RMC1: variants seen among roughly 807,000 people sequenced by gnomAD.
The protein encoded by RMC1 is regulator of MON1-CCZ1.
Under a neutral mutation model 95.5 loss-of-function variants are expected in RMC1, and 44 were observed. The ratio of observed to expected loss-of-function variants is 0.46; its 90% CI spans 0.36 to 0.59. RMC1 has a LOEUF of 0.59. Among genes scored for constraint, RMC1 ranks in the 20% least tolerant of loss-of-function variants. The probability of loss-of-function intolerance (pLI) is 0.00; values close to 1 mark genes in which losing one functional copy is unlikely to be tolerated. For synonymous variants in RMC1, 320 were observed against 303.6 expected (o/e 1.05, Z -0.56); for missense variants, 705 against 819.6 (o/e 0.86, Z 1.71).
At position 23,526,782 on chromosome 18, in the gene RMC1, C is replaced by T; in HGVS notation, c.1189+17C>T. ...GTTCACAGAGTAAGTTGAATCCTTC[C>T]CCCTTGCTCTGATTCCAGTGTGAGG... is the stretch of plus-strand genomic sequence containing the variant. On this transcript the variant is annotated intron_variant, in intron 13 of 19. Coordinates refer to ENST00000269221, the MANE Select transcript of RMC1 (RefSeq NM_013326.5). 6.2e-7 allele frequency: 1 copy of T among 1,612,312 alleles called. No individual in the cohort carries two copies. Among genetic ancestry groups the T allele is most frequent in the Non-Finnish European group, 8.5e-7 (1 of 1,179,206 alleles).
intron 5 of RMC1, among the ~76,000 whole-genome samples, chr18:23,511,667 G>C (rs1196529927): frequency 8.6e-6 from 1 of 115,794 alleles, no homozygotes; most frequent in East Asian, 2.5e-4. Flanking sequence ...TTTTTTTTTT[G>C]TCCAAAGTGT....
chr18:23,531,485 G>A lies in RMC1; in HGVS notation c.1895-140G>A, dbSNP rs1470520701. On this transcript the variant is annotated intron_variant, in intron 19 of 19. Coordinates refer to ENST00000269221, the MANE Select transcript of RMC1 (RefSeq NM_013326.5). ...TGTATTTGTCTCTCAAAGCAGATAG[G>A]GTAACCCCAAAACTTAGGAAAACAA... The A allele has an allele frequency of 3.5e-6, 5 of 1,448,336 alleles. No homozygotes were observed. In the African/African-American group the frequency reaches 7.2e-5, roughly 21 times the overall value. 89.7% of individuals were successfully genotyped at this position (1,448,336 alleles called of 1,614,324 possible).
rs368012391 is a variant in RMC1 at position 23,526,710 on chromosome 18, C to G, written c.1134C>G (p.Asp378Glu). ...NLLPDKGRLMDFLLQRKECKM... is the reference protein window; with the variant it reads ...NLLPDKGRLMEFLLQRKECKM... The stretch of plus-strand genomic sequence containing the variant: ...TACCAGACAAAGGAAGACTCATGGA[C>G]TTTCTCCTCCAGAGAAAGGAATGCA... Residue 378 changes from aspartate (D) to glutamate (E), a missense_variant, in exon 13 of 20, where the codon GAC becomes GAG. By Grantham distance (45) the Asp-to-Glu change is conservative (BLOSUM62 2). Transcript: ENST00000269221. 1 of 1,614,180 alleles carries G rather than the reference C, an allele frequency of 6.2e-7. No homozygotes were observed. The highest frequency in any genetic ancestry group is 8.5e-7 in the Non-Finnish European group (1 of 1,180,022).
chr18:23,526,847 A>G, intron 13 of RMC1, 82 bp downstream of exon 13: 3 of 1,536,256 alleles, frequency 2.0e-6, no homozygotes, highest in Non-Finnish European at 2.6e-6. Context: ...TGTGGGCTAC[A>G]TTGTTGTGTC....
At chr18:23,529,116 A>G in intron 14 of RMC1, 63 bp from the exon 15 acceptor site, 4 of 1,572,546 alleles carry the variant, frequency 2.5e-6, no homozygotes, top group Non-Finnish European at 3.4e-6. Context: ...TTGTGGATGA[A>G]CTGTAAACAG....
intron 1 of RMC1, among the ~76,000 whole-genome samples, chr18:23,504,084 G>C (rs1220393955): frequency 1.3e-5 from 2 of 152,232 alleles, no homozygotes; most frequent in African/African-American, 2.4e-5. Context: ...TTTGTAAAGG[G>C]GGAAAAGACT....
intron 14 of RMC1, chr18:23,528,148 GTGTT>G (rs2058363114): frequency 2.6e-6 from 1 of 389,580 alleles, no homozygotes. Context: ...TTTCCCATCT[GTGTT>G]TGATCTTGCC....
rs1244502690 is a variant in RMC1, at chr18:23,529,681, G to A, written c.1463G>A (p.Arg488His). ...ATAGCCGTGCTGATGGAATACATTC[G>A]TTCTCTTAACCAGTTTCAGATTGCA... ...FVIAVLMEYI[R>H]SLNQFQIAVQ... The change falls in exon 16 of 20, where the codon CGT becomes CAT. Residue 488 changes from arginine (R) to histidine (H), a missense_variant. Transcript: ENST00000269221. 5 of 1,613,908 alleles carry A rather than the reference G, an allele frequency of 3.1e-6. No individual in the cohort carries two copies. Among genetic ancestry groups the A allele is most frequent in the Non-Finnish European group, 4.2e-6 (5 of 1,179,998 alleles).
rs9967282 is a variant in RMC1 at position 23,519,443 on chromosome 18, A to T, written c.849+269A>T. On this transcript the variant is annotated intron_variant, in intron 9 of 19. Transcript: ENST00000269221. ...TAAGGCTGGAGGATGGCTTGAGCCC[A>T]GGAGGTCGGGGCTTCAGTGAGTGGA... Among the ~76,000 whole-genome samples, 35 of 152,122 alleles carry T rather than the reference A, an allele frequency of 2.3e-4. 1 individual carries two copies. Among genetic ancestry groups the T allele is most frequent in the African/African-American group, 8.4e-4 (35 of 41,516 alleles).
intron 5 of RMC1, among the ~76,000 whole-genome samples, chr18:23,515,009 C>T (rs2057962293): frequency 6.6e-6 from 1 of 152,072 alleles, no homozygotes; most frequent in African/African-American, 2.4e-5. Flanking sequence ...ATGAACACAT[C>T]TGCTAGAAGA....
intron 5 of RMC1, among the ~76,000 whole-genome samples, chr18:23,515,465 G>A (rs747537439): frequency 6.6e-6 from 1 of 152,352 alleles, no homozygotes; most frequent in Middle Eastern, 3.4e-3. Flanking sequence ...ATTTCACTTA[G>A]TGGGTTTCTT....
chr18:23,531,496 A>AACTT (rs1598925302), intron 19 of RMC1, 129 bp from the exon 20 acceptor site: 7 of 1,471,300 alleles, frequency 4.8e-6, no homozygotes, highest in Non-Finnish European at 6.3e-6. Flanking sequence ...GTAACCCCAA[A>AACTT]ACTTAGGAAA....
Position 23,503,635 on chromosome 18 carries a change from A to G in RMC1, c.17A>G (p.Tyr6Cys). 2 of 1,575,348 alleles carry G rather than the reference A, an allele frequency of 1.3e-6. No individual in the cohort carries two copies. The highest frequency in any genetic ancestry group is 1.8e-5 in the Admixed American group (1 of 56,292). Residue 6 changes from tyrosine to cysteine, a missense_variant, in exon 1 of 20, where the codon TAC becomes TGC. Tyr to Cys is a radical substitution (Grantham distance 194). Transcript: ENST00000269221. MGEED[Y>C]YLELCERPVQ... ...GCGCCCGCCATGGGCGAGGAGGACT[A>G]CTATCTGGAGCTGTGCGAGCGGCCG...
At position 23,520,229 on chromosome 18, in the gene RMC1, C is replaced by T. The variant is rs780368046; in HGVS notation, c.877C>T (p.Arg293Trp). ...ATCGGTAATATTCGATATCAAGTTA[C>T]GGGGAGAGTTTGACGGCTCCGTTAC... ...ETSVIFDIKLRGEFDGSVTFH... is the reference protein window; with the variant it reads ...ETSVIFDIKLWGEFDGSVTFH... Residue 293 changes from arginine to tryptophan, a missense_variant, in exon 10 of 20, where the codon CGG (arginine) becomes TGG (tryptophan). Physicochemically the swap from Arg to Trp is moderately radical, Grantham distance 101 (BLOSUM62 -3). Transcript: ENST00000269221. 40 of 1,613,910 alleles carry T rather than the reference C, an allele frequency of 2.5e-5. No homozygotes were observed. The highest frequency in any genetic ancestry group is 1.6e-4 in the Middle Eastern group (1 of 6,084).
At chr18:23,506,874 G>A (rs2057729814) in intron 2 of RMC1, 96 bp from the exon 3 acceptor site, 6 of 830,580 alleles carry the variant, frequency 7.2e-6, no homozygotes, top group Middle Eastern at 3.4e-4. Flanking sequence ...AGAATTTGCT[G>A]CCTCCTGAAT....
At chr18:23,527,693 T>C (rs1254550542) in intron 13 of RMC1, 102 bp from the exon 14 acceptor site, 5 of 879,402 alleles carry the variant, frequency 5.7e-6, no homozygotes, top group East Asian at 2.8e-5. Context: ...TACTTTTGCA[T>C]TGGTAACCTT....
intron 13 of RMC1, 136 bp downstream of exon 13, chr18:23,526,901 A>C (rs1327672264): frequency 1.7e-6 from 2 of 1,185,710 alleles, no homozygotes; most frequent in African/African-American, 3.1e-5. Flanking sequence ...AGGGGTGGCT[A>C]TGTGACCCCC....
chr18:23,505,818 G>C (rs1280736469), intron 2 of RMC1, among the ~76,000 whole-genome samples: 1 of 152,170 alleles, frequency 6.6e-6, no homozygotes, highest in African/African-American at 2.4e-5. Flanking sequence ...TGATAATCTA[G>C]ATTGGGGGCT....
At chr18:23,520,464 G>C in intron 10 of RMC1, 151 bp downstream of exon 10, 1 of 683,700 alleles carries the variant, frequency 1.5e-6, no homozygotes, top group Non-Finnish European at 2.4e-6. Flanking sequence ...ATTTGTTCCA[G>C]TTTTGTTGTT....
Sources: gnomAD v4.1 joint callset for allele counts (sites outside exome capture counted in the v4.1 genomes callset) on GRCh38, gnomAD v4.1.1 for gene constraint, MANE v1.5 for transcripts, NCBI Gene and HGNC (gene_info 2026-07-23, HGNC 2026-07-21) for gene names.